Variants in GHR observed in about 807,000 individuals in gnomAD.
GHR encodes GH receptor.
Under a neutral mutation model 67.1 loss-of-function variants are expected in GHR, and 35 were observed. The ratio of observed to expected loss-of-function variants is 0.52; its 90% CI spans 0.40 to 0.69. The LOEUF is 0.69. Among genes scored for constraint, GHR ranks in the 30% least tolerant of loss-of-function variants. The pLI, the probability that GHR is intolerant of heterozygous loss-of-function variation, is 0.00. For missense variants in GHR, 792 were observed against 764.6 expected (o/e 1.04, Z -0.42); for synonymous variants, 272 against 269.1 (o/e 1.01, Z -0.10).
At chr5:42,679,322 A>G (rs548866141) in intron 3 of GHR, among the ~76,000 whole-genome samples, 1 of 151,392 alleles carries the variant, frequency 6.6e-6, no homozygotes, top group South Asian at 2.1e-4. Context: ...CCACCAGTGC[A>G]GTGGTTAAGA....
intron 3 of GHR, among the ~76,000 whole-genome samples, chr5:42,660,903 A>G: frequency 6.6e-6 from 1 of 152,182 alleles, no homozygotes; most frequent in Admixed American, 6.5e-5. Context: ...CAATACAGAG[A>G]AGTGCTTAAA....
intron 5 of GHR, among the ~76,000 whole-genome samples, chr5:42,695,487 C>T (rs945208422): frequency 6.6e-6 from 1 of 152,166 alleles, no homozygotes; most frequent in African/African-American, 2.4e-5. Context: ...TGGCCTTTGA[C>T]CTCTACCATT....
At position 42,451,579 on chromosome 5, in the gene GHR, G is replaced by A. The variant is rs146006654; in HGVS notation, c.-12+27624G>A. On this transcript the variant is annotated intron_variant, in intron 1 of 9. Transcript: ENST00000230882. ...AAATTAGCCAGGTGTGGTGGTGTGC[G>A]CCTGCAGTCCCAGCTACTCAAGAGG... Among the ~76,000 whole-genome samples, 606 of 151,766 alleles carry A rather than the reference G, an allele frequency of 4.0e-3. 5 individuals are homozygous for A. Among genetic ancestry groups the A allele is most frequent in the African/African-American group, 0.014 (584 of 41,416 alleles).
intron 1 of GHR, among the ~76,000 whole-genome samples, chr5:42,432,054 C>T (rs969806015): frequency 6.6e-6 from 1 of 152,150 alleles, no homozygotes; most frequent in East Asian, 1.9e-4. Context: ...ACCTACTGTG[C>T]TAGACATTTG....
At chr5:42,500,976 A>G (rs1311655541) in intron 1 of GHR, among the ~76,000 whole-genome samples, 1 of 152,236 alleles carries the variant, frequency 6.6e-6, no homozygotes. Flanking sequence ...AGTGGTGAGT[A>G]TTCAATTGCT....
chr5:42,652,731 C>T (rs1170490020), intron 3 of GHR, among the ~76,000 whole-genome samples: 1 of 152,050 alleles, frequency 6.6e-6, no homozygotes, highest in South Asian at 2.1e-4. Context: ...TGTAACAAGC[C>T]TCTGAGGTAG....
chr5:42,605,422 C>G (rs1425636129), intron 2 of GHR, among the ~76,000 whole-genome samples: 1 of 151,988 alleles, frequency 6.6e-6, no homozygotes, highest in East Asian at 1.9e-4. Flanking sequence ...GCCTCTTAAA[C>G]TTTTGTGCTT....
chr5:42,615,394 T>C (rs920623160), intron 2 of GHR, among the ~76,000 whole-genome samples: 1 of 152,114 alleles, frequency 6.6e-6, no homozygotes, highest in Non-Finnish European at 1.5e-5. Flanking sequence ...GTTCTGTTGT[T>C]AGTTTTGCTC....
intron 1 of GHR, among the ~76,000 whole-genome samples, chr5:42,514,603 G>A (rs756390508): frequency 5.3e-5 from 8 of 152,130 alleles, no homozygotes; most frequent in Non-Finnish European, 1.2e-4. Context: ...AAGAAAGATC[G>A]GAGGCAAAGA....
chr5:42,677,777 C>T (rs1729900847), intron 3 of GHR, among the ~76,000 whole-genome samples: 1 of 152,130 alleles, frequency 6.6e-6, no homozygotes, highest in Admixed American at 6.5e-5. Flanking sequence ...TTGCTCAAGA[C>T]AAGTCTCTTC....
chr5:42,550,115 G>A (rs1040355470), intron 1 of GHR: 2 of 963,764 alleles, frequency 2.1e-6, no homozygotes, highest in Non-Finnish European at 2.5e-6. Flanking sequence ...TATGAGCCTG[G>A]GGTAAGTGTG....
chr5:42,533,623 GGT>G (rs1162353813), intron 1 of GHR, among the ~76,000 whole-genome samples: 3 of 151,362 alleles, frequency 2.0e-5, no homozygotes, highest in Middle Eastern at 3.4e-3. Flanking sequence ...TTATATGTAT[GGT>G]ATAAAGCATA....
chr5:42,468,539 A>G lies in GHR; in HGVS notation c.-12+44584A>G. On this transcript the variant is annotated intron_variant, in intron 1 of 9. Transcript: ENST00000230882. ...GACCTCAGCTCCTACTGGCACGAGA[A>G]CAATGACCCTTATTCCTTCTTTCTT... 3.7e-6 allele frequency: 3 copies of G among 821,500 alleles called. 1 individual carries two copies. The highest frequency in any genetic ancestry group is 3.5e-5 in the South Asian group (2 of 56,726). 50.9% of individuals were successfully genotyped at this position (821,500 alleles called of 1,614,324 possible).
At chr5:42,493,744 A>C (rs564287242) in intron 1 of GHR, among the ~76,000 whole-genome samples, 2 of 152,312 alleles carry the variant, frequency 1.3e-5, no homozygotes, top group East Asian at 1.9e-4. Context: ...TTTAGGCCTG[A>C]AATATTTGAT....
intron 1 of GHR, among the ~76,000 whole-genome samples, chr5:42,463,948 C>G (rs1279393164): frequency 7.1e-6 from 1 of 140,362 alleles, no homozygotes; most frequent in African/African-American, 2.7e-5. Context: ...AGCCGAGATC[C>G]CGCCACTGCA....
chr5:42,676,410 C>T (rs1049413787), intron 3 of GHR, among the ~76,000 whole-genome samples: 1 of 152,178 alleles, frequency 6.6e-6, no homozygotes, highest in Non-Finnish European at 1.5e-5. Context: ...TACAGAGAAT[C>T]ATGAGGAAAA....
intron 1 of GHR, among the ~76,000 whole-genome samples, chr5:42,507,777 C>G (rs981878599): frequency 1.3e-5 from 2 of 152,182 alleles, no homozygotes; most frequent in African/African-American, 2.4e-5. Context: ...GGTCTTGTGA[C>G]AGAAGCTAAA....
intron 1 of GHR, among the ~76,000 whole-genome samples, chr5:42,478,146 T>A (rs1447597238): frequency 1.3e-5 from 2 of 152,214 alleles, no homozygotes; most frequent in Non-Finnish European, 2.9e-5. Context: ...AGGGAATCCT[T>A]TCCCCATTTC....
chr5:42,432,600 A>G (rs180986201), intron 1 of GHR, among the ~76,000 whole-genome samples: 5 of 152,338 alleles, frequency 3.3e-5, no homozygotes, highest in Admixed American at 2.6e-4. Flanking sequence ...CTAATCTGAC[A>G]AAGCATATGT....
Sources: gnomAD v4.1 joint callset for allele counts (sites outside exome capture counted in the v4.1 genomes callset) on GRCh38, gnomAD v4.1.1 for gene constraint, MANE v1.5 for transcripts, NCBI Gene and HGNC (gene_info 2026-07-23, HGNC 2026-07-21) for gene names.